The following VPS13B variants were observed in gnomAD, a reference collection of about 807,000 sequenced individuals.
The protein encoded by VPS13B is vacuolar protein sorting 13 homolog B.
VPS13B carries 285 observed loss-of-function variants against 426.4 expected under a neutral mutation model. The observed-to-expected ratio is 0.67, with a 90% CI of 0.61 to 0.74. VPS13B has a LOEUF of 0.74. Ranked by LOEUF, VPS13B falls within the 30% of genes least tolerant of loss-of-function variation. VPS13B has a pLI of 0.00. For synonymous variants in VPS13B, 1,676 were observed against 1,676.4 expected (o/e 1.00, Z 0.01); for missense variants, 4,537 against 4,782.6 (o/e 0.95, Z 1.51).
intron 33 of VPS13B, among the ~76,000 whole-genome samples, chr8:99,634,111 T>G (rs932978057): frequency 1.3e-5 from 2 of 151,852 alleles, no homozygotes; most frequent in African/African-American, 4.8e-5. Flanking sequence ...CATATATGTA[T>G]AAAGGGACAA....
chr8:99,335,329 T>G (rs543273181), intron 19 of VPS13B, among the ~76,000 whole-genome samples: 1 of 152,328 alleles, frequency 6.6e-6, no homozygotes, highest in East Asian at 1.9e-4. Context: ...CATTAATTTT[T>G]GAAGGGTTTT....
chr8:99,183,322 G>A (rs1813046696), intron 16 of VPS13B, among the ~76,000 whole-genome samples: 1 of 151,888 alleles, frequency 6.6e-6, no homozygotes, highest in Non-Finnish European at 1.5e-5. Flanking sequence ...GTTTTTGTTT[G>A]TTTTTCTTTT....
chr8:99,835,150 A>AT (rs746815882), intron 52 of VPS13B, 47 bp from the exon 53 acceptor site: 5 of 1,611,910 alleles, frequency 3.1e-6, no homozygotes, highest in Admixed American at 3.3e-5. Context: ...GAGAGCATTC[A>AT]TTTTTTTTCC....
chr8:99,563,949 T>C (rs1458270206), intron 31 of VPS13B, among the ~76,000 whole-genome samples: 1 of 152,218 alleles, frequency 6.6e-6, no homozygotes. Context: ...ATAGGTAATA[T>C]AGATGAAATT....
rs115063681 is a variant in VPS13B, at chr8:99,776,407, A to G, written c.7248-368A>G. 8.4e-4 allele frequency among the ~76,000 whole-genome samples: 128 copies of G among 152,262 alleles called. 2 individuals are homozygous for G. The highest frequency in any genetic ancestry group is 2.7e-3 in the African/African-American group (112 of 41,566). On this transcript the variant is annotated intron_variant, in intron 40 of 61. Coordinates refer to ENST00000357162, the MANE Select transcript of VPS13B (RefSeq NM_152564.5). ...AGCCTTGACCTGCTGTGCTTAAGCA[A>G]TTCTCCCACCTCAACCACCAAGTAG...
At chr8:99,621,018 G>T (rs143754804) in intron 33 of VPS13B, among the ~76,000 whole-genome samples, 4 of 147,246 alleles carry the variant, frequency 2.7e-5, no homozygotes, top group Non-Finnish European at 6.0e-5. Flanking sequence ...AAAGTGCCAT[G>T]TGTCTGAGAG....
intron 2 of VPS13B, among the ~76,000 whole-genome samples, chr8:99,023,385 C>G (rs1233836465): frequency 1.3e-5 from 2 of 152,014 alleles, no homozygotes; most frequent in African/African-American, 4.8e-5. Flanking sequence ...ACATAATGAC[C>G]TTCATTTCCA....
intron 22 of VPS13B, among the ~76,000 whole-genome samples, chr8:99,436,404 C>T (rs560946214): frequency 3.3e-4 from 50 of 152,066 alleles, no homozygotes; most frequent in Non-Finnish European, 6.3e-4. Flanking sequence ...TTTTTAATCT[C>T]TAATTATGGT....
rs1297867143 is a variant in VPS13B at position 99,870,872 on chromosome 8, A to G, written c.11480A>G (p.His3827Arg). Residue 3827 changes from histidine to arginine, a missense_variant, in exon 60 of 62, where the codon CAT (histidine) becomes CGT (arginine). Transcript: ENST00000357162. ...CATGCTGACCAGGCTCCAAACAGCC[A>G]TGTCAAATATGTCTGGTAAAATTAT... ...DLHADQAPNS[H>R]VKYVWKMLQS... 6.2e-7 allele frequency: 1 copy of G among 1,614,160 alleles called. No homozygotes were observed. The highest frequency in any genetic ancestry group is 8.5e-7 in the Non-Finnish European group (1 of 1,179,982).
chr8:99,515,481 T>G (rs1822018036), intron 29 of VPS13B, among the ~76,000 whole-genome samples: 1 of 152,082 alleles, frequency 6.6e-6, no homozygotes, highest in South Asian at 2.1e-4. Context: ...TGTGGTGGGT[T>G]TTTAACATAT....
At position 99,142,984 on chromosome 8, in the gene VPS13B, TCAACAAGA is replaced by T. The variant is rs1057517177; in HGVS notation, c.1664_1671del (p.Gln555LeufsTer7). On this transcript the variant is annotated frameshift_variant, in exon 13 of 62. Transcript: ENST00000357162. LOFTEE classifies it high-confidence loss of function. Reference sequence around the variant, plus strand: ...TTTGACTTCTTTTAGGTTCCACAAATCAACAAGACTTTTCTTCAGGGAAAAGTGAAGAT... The same window carrying T: ...TTTGACTTCTTTTAGGTTCCACAAATCTTTTCTTCAGGGAAAAGTGAAGAT... 8.7e-6 allele frequency: 14 copies of T among 1,613,318 alleles called. No homozygotes were observed. The highest frequency in any genetic ancestry group is 1.2e-5 in the Non-Finnish European group (14 of 1,179,760).
At chr8:99,100,512 AC>A (rs1013178562) in intron 4 of VPS13B, among the ~76,000 whole-genome samples, 1 of 151,852 alleles carries the variant, frequency 6.6e-6, no homozygotes, top group African/African-American at 2.4e-5. Flanking sequence ...CTGATCTCGA[AC>A]CCCTGAGCTC....
chr8:99,176,139 T>A (rs1398146760), intron 16 of VPS13B, among the ~76,000 whole-genome samples: 1 of 150,894 alleles, frequency 6.6e-6, no homozygotes, highest in Non-Finnish European at 1.5e-5. Flanking sequence ...ACTATAAACT[T>A]TTGTTTTTTT....
intron 44 of VPS13B, among the ~76,000 whole-genome samples, chr8:99,813,141 A>G (rs1813814726): frequency 2.0e-5 from 3 of 152,170 alleles, no homozygotes; most frequent in African/African-American, 7.2e-5. Flanking sequence ...CAAGCACACT[A>G]CTCCACTGAG....
rs116629903 is a variant in VPS13B at position 99,547,407 on chromosome 8, G to A, written c.4746-9043G>A. On this transcript the variant is annotated intron_variant, in intron 30 of 61. Transcript: ENST00000357162. ...TATGTAGACATTTAATTTAATCAAGGCATAAAAGTTTTACTTCTTTTTCAT... is the reference window on the plus strand; with the variant it reads ...TATGTAGACATTTAATTTAATCAAGACATAAAAGTTTTACTTCTTTTTCAT... 1.7e-3 allele frequency among the ~76,000 whole-genome samples: 256 copies of A among 151,972 alleles called. 1 individual carries two copies. The highest frequency in any genetic ancestry group is 6.1e-3 in the African/African-American group (251 of 41,472).
chr8:99,577,883 A>C, intron 33 of VPS13B: 1 of 478,762 alleles, frequency 2.1e-6, no homozygotes. Context: ...CCTCTGTTAT[A>C]TACATAACTT....
rs34681251 is a variant in VPS13B, at chr8:99,754,085, G to GTTT, written c.7051-12672_7051-12670dup. ...CTCAACTGGTTCCAATAGTATAAGG[G>GTTT]TTTTTTTTTTTTTTTTTTTGGTATG... is the stretch of plus-strand genomic sequence containing the variant. On this transcript the variant is annotated intron_variant, in intron 39 of 61. Coordinates refer to ENST00000357162, the MANE Select transcript of VPS13B (RefSeq NM_152564.5). Among the ~76,000 whole-genome samples the GTTT allele has an allele frequency of 8.6e-3, 1,038 of 121,098 alleles. 19 individuals are homozygous for GTTT. Among genetic ancestry groups the GTTT allele is most frequent in the African/African-American group, 0.03 (983 of 32,896 alleles). The allele number at this position is 121,098 out of a possible 152,430, so 79.4% of individuals were successfully genotyped here. A position where few individuals can be genotyped will look rare whatever the true frequency, so the allele number is the denominator to read the frequency against.
In VPS13B at chr8:99,637,845, T is replaced by G. The variant is rs150610506; in HGVS notation, c.5221-3966T>G. Among the ~76,000 whole-genome samples, 4 of 152,266 alleles carry G rather than the reference T, an allele frequency of 2.6e-5. No homozygotes were observed. The East Asian group carries it at 7.7e-4, about 29-fold the overall frequency. On this transcript the variant is annotated intron_variant, in intron 33 of 61. Transcript: ENST00000357162. Reference sequence around the variant, plus strand: ...TTCATTTAGTTAATTGTGGTTGACTTTCCTGAGTCAAAGAATGAAAATAGC... The same window carrying G: ...TTCATTTAGTTAATTGTGGTTGACTGTCCTGAGTCAAAGAATGAAAATAGC...
intron 35 of VPS13B, among the ~76,000 whole-genome samples, chr8:99,683,495 GTCTC>G (rs1831242698): frequency 1.3e-5 from 2 of 152,066 alleles, no homozygotes; most frequent in Non-Finnish European, 2.9e-5. Context: ...TGTATGGTAT[GTCTC>G]TCTATTTATG....
Sources: allele counts gnomAD v4.1 joint callset (sites outside exome capture counted in the v4.1 genomes callset), GRCh38; gene constraint gnomAD v4.1.1; transcripts MANE v1.5; gene names NCBI Gene and HGNC (gene_info 2026-07-23, HGNC 2026-07-21).